UTP4: variants seen among roughly 807,000 people sequenced by gnomAD.
UTP4 encodes the protein U3 small nucleolar RNA-associated protein 4 homolog.
In UTP4, 45 loss-of-function variants were observed where a neutral mutation model predicts 82.4. The ratio of observed to expected loss-of-function variants is 0.55; its 90% confidence interval spans 0.43 to 0.70. The LOEUF is 0.70. Among genes scored for constraint, UTP4 ranks in the 30% least tolerant of loss-of-function variants. The probability of loss-of-function intolerance (pLI) is 0.00; values close to 1 mark genes in which losing one functional copy is unlikely to be tolerated. For synonymous variants in UTP4, 348 were observed against 300.3 expected, an observed-to-expected ratio of 1.16 and a Z score of -1.64; for missense variants, 819 against 858.3, an observed-to-expected ratio of 0.95 and a Z score of 0.57.
chr16:69,156,533 A>T (rs1002800372), intron 11 of UTP4, among the ~76,000 whole-genome samples: 1 of 148,822 alleles, frequency 6.7e-6, no homozygotes, highest in Non-Finnish European at 1.5e-5. Context: ...ACCTCAGCTC[A>T]CCGCAATCTC....
rs764602458 is a variant in UTP4, at chr16:69,150,756, G to A, written c.910+48G>A. On this transcript the variant is annotated intron_variant, in intron 7 of 16. Coordinates refer to ENST00000314423, the MANE Select transcript of UTP4 (RefSeq NM_032830.3). ...CTGCTGCTTTACCCTGCCCAGTTCTGGCTGTTCTCGTGAGGATGACTTCTA... is the reference window on the plus strand; with the variant it reads ...CTGCTGCTTTACCCTGCCCAGTTCTAGCTGTTCTCGTGAGGATGACTTCTA... The A allele has an allele frequency of 1.9e-6, 3 of 1,613,688 alleles. No homozygotes were observed. In the East Asian group the frequency reaches 6.7e-5, roughly 36 times the overall value.
chr16:69,146,096 C>CAA (rs759547632), intron 6 of UTP4, among the ~76,000 whole-genome samples: 4 of 103,380 alleles, frequency 3.9e-5, no homozygotes, highest in African/African-American at 7.4e-5. Context: ...GACTCTGTCT[C>CAA]AAAAAAAAAA....
chr16:69,133,013 G>A (rs771207771), intron 1 of UTP4: 2 of 259,234 alleles, frequency 7.7e-6, no homozygotes, highest in Non-Finnish European at 1.5e-5. Flanking sequence ...ACGGGGTAGG[G>A]TAAGTGACAG....
chr16:69,167,983 A>C (rs1044837509), intron 16 of UTP4: 1 of 152,216 alleles, frequency 6.6e-6, no homozygotes, highest in African/African-American at 2.4e-5. Flanking sequence ...ACTGCACTCC[A>C]GGCTGGGTAA....
chr16:69,133,900 T>C (rs892858629), intron 2 of UTP4, among the ~76,000 whole-genome samples: 1 of 152,230 alleles, frequency 6.6e-6, no homozygotes, highest in Admixed American at 6.5e-5. Context: ...AGGGAAATTG[T>C]TGGTATATCA....
chr16:69,149,199 G>A (rs2152279863), intron 6 of UTP4, among the ~76,000 whole-genome samples: 1 of 152,118 alleles, frequency 6.6e-6, no homozygotes, highest in African/African-American at 2.4e-5. Flanking sequence ...GGACAACATG[G>A]TGAAACCCCA....
chr16:69,165,077 C>T (rs1479663806), intron 14 of UTP4, among the ~76,000 whole-genome samples: 1 of 152,044 alleles, frequency 6.6e-6, no homozygotes, highest in Non-Finnish European at 1.5e-5. Flanking sequence ...CGCCTATAGT[C>T]CCAGCTATTT....
chr16:69,133,639 A>T, intron 2 of UTP4, 21 bp downstream of exon 2: 1 of 1,612,600 alleles, frequency 6.2e-7, no homozygotes, highest in South Asian at 1.1e-5. Flanking sequence ...TGGGAGTCTG[A>T]TATGGTGTTT....
chr16:69,160,654 T>A (rs1166467789), intron 13 of UTP4, among the ~76,000 whole-genome samples, 192 bp downstream of exon 13: 1 of 150,894 alleles, frequency 6.6e-6, no homozygotes, highest in African/African-American at 2.4e-5. Context: ...TAGAGTGCAG[T>A]GGCGCGATCT....
chr16:69,163,750 T>A (rs900118145), intron 14 of UTP4, among the ~76,000 whole-genome samples: 1 of 151,950 alleles, frequency 6.6e-6, no homozygotes, highest in Non-Finnish European at 1.5e-5. Context: ...TAGGAAGTTA[T>A]CAATAATTCA....
chr16:69,148,541 G>A (rs548721729), intron 6 of UTP4, among the ~76,000 whole-genome samples: 15 of 152,062 alleles, frequency 9.9e-5, no homozygotes, highest in African/African-American at 3.4e-4. Context: ...CCTGGATTAG[G>A]AATCTTCAAT....
At chr16:69,147,614 T>G (rs147147672) in intron 6 of UTP4, among the ~76,000 whole-genome samples, 18 of 152,266 alleles carry the variant, frequency 1.2e-4, no homozygotes, top group Admixed American at 9.8e-4. Flanking sequence ...TGTTTCAGAT[T>G]TTGGATTTTT....
chr16:69,166,885 T>C (rs1963715424), intron 15 of UTP4, 190 bp from the exon 16 acceptor site: 7 of 595,198 alleles, frequency 1.2e-5, no homozygotes, highest in African/African-American at 3.7e-5. Context: ...TCTTCTTTTT[T>C]TCCCCCCTAG....
At chr16:69,139,792 G>A (rs763550604) in intron 4 of UTP4, 33 bp from the exon 5 acceptor site, 1 of 1,433,802 alleles carries the variant, frequency 7.0e-7, no homozygotes, top group Non-Finnish European at 9.8e-7. Flanking sequence ...TTATGTGTAT[G>A]TCACTTTCTT....
chr16:69,164,173 C>T (rs984119881), intron 14 of UTP4, among the ~76,000 whole-genome samples: 5 of 152,066 alleles, frequency 3.3e-5, no homozygotes, highest in African/African-American at 4.8e-5. Context: ...CTTGAGCCAC[C>T]GCGCCCGGCT....
At chr16:69,154,553 A>G (rs747527844) in intron 10 of UTP4, 96 bp downstream of exon 10, 203 of 927,794 alleles carry the variant, frequency 2.2e-4, no homozygotes, top group Admixed American at 7.5e-4. Flanking sequence ...TGCATCATAA[A>G]TTGTATAAAT....
At chr16:69,133,364 T>C in intron 1 of UTP4, 94 bp from the exon 2 acceptor site, 1 of 1,267,734 alleles carries the variant, frequency 7.9e-7, no homozygotes, top group South Asian at 1.2e-5. Flanking sequence ...TGTTGGAGCC[T>C]TCCAGCCAGA....
intron 5 of UTP4, among the ~76,000 whole-genome samples, chr16:69,142,635 G>A (rs950388256): frequency 8.5e-5 from 13 of 152,120 alleles, no homozygotes; most frequent in African/African-American, 1.2e-4. Context: ...CCTCTCTGCC[G>A]ACCTGGGACT....
intron 8 of UTP4, 48 bp downstream of exon 8, chr16:69,150,952 T>C: frequency 1.5e-6 from 2 of 1,366,482 alleles, no homozygotes; most frequent in Non-Finnish European, 2.1e-6. Flanking sequence ...TCCCCATCCC[T>C]GTGTCCCCCT....
Sources: allele counts gnomAD v4.1 joint callset (sites outside exome capture counted in the v4.1 genomes callset), GRCh38; gene constraint gnomAD v4.1.1; transcripts MANE v1.5; gene names NCBI Gene and HGNC (gene_info 2026-07-23, HGNC 2026-07-21).